The following LRIF1 variants were observed in gnomAD, a reference collection of about 807,000 sequenced individuals.
LRIF1 encodes the protein ligand-dependent nuclear receptor-interacting factor 1.
Under a neutral mutation model 52.7 loss-of-function variants are expected in LRIF1, and 32 were observed. The observed-to-expected ratio is 0.61, with a 90% CI of 0.46 to 0.82. The LOEUF (loss-of-function observed/expected upper bound fraction) is 0.82, where lower values mean the gene tolerates loss of function less well. Among genes scored for constraint, LRIF1 ranks in the 40% least tolerant of loss-of-function variants. The pLI is 0.00. For missense variants in LRIF1, 887 were observed against 892.0 expected (o/e 0.99, Z 0.07); for synonymous variants, 323 against 317.4 (o/e 1.02, Z -0.19).
the LRIF1 span, among the ~76,000 whole-genome samples, chr1:110,881,107 T>A: frequency 6.6e-6 from 1 of 152,066 alleles, no homozygotes; most frequent in Non-Finnish European, 1.5e-5. Flanking sequence ...AGGAGCAAAT[T>A]AGGAGGGGCC....
chr1:110,907,231 A>T, the LRIF1 span, among the ~76,000 whole-genome samples: 1 of 152,200 alleles, frequency 6.6e-6, no homozygotes, highest in Admixed American at 6.5e-5. Context: ...ACCTGGTGAT[A>T]CGTAAGTAGA....
At chr1:110,960,867 C>T (rs1006813470) in intron 1 of LRIF1, among the ~76,000 whole-genome samples, 13 of 152,236 alleles carry the variant, frequency 8.5e-5, no homozygotes, top group Admixed American at 8.5e-4. Context: ...ATGTAGATCA[C>T]TCACCCTCAA....
At chr1:110,962,884 T>C (rs549709494) in intron 1 of LRIF1, among the ~76,000 whole-genome samples, 1 of 152,206 alleles carries the variant, frequency 6.6e-6, no homozygotes, top group East Asian at 1.9e-4. Flanking sequence ...TAGCTAACAT[T>C]GTTTCCAATT....
At chr1:110,896,548 T>G in the LRIF1 span, 1 of 1,020,274 alleles carries the variant, frequency 9.8e-7, no homozygotes, top group Non-Finnish European at 1.5e-6. Flanking sequence ...TCTGGACTTC[T>G]GCTATAGAGT....
At chr1:110,959,381 C>T (rs1452652600) in intron 1 of LRIF1, among the ~76,000 whole-genome samples, 1 of 152,060 alleles carries the variant, frequency 6.6e-6, no homozygotes, top group Non-Finnish European at 1.5e-5. Context: ...TGCCTGGGAG[C>T]ATAACAGTTA....
the LRIF1 span, among the ~76,000 whole-genome samples, chr1:110,889,656 G>C: frequency 3.3e-4 from 50 of 152,100 alleles, no homozygotes; most frequent in Non-Finnish European, 6.2e-4. Context: ...TGTGTGATAA[G>C]ATCATTTAAT....
chr1:110,956,055 CTCAT>C, intron 1 of LRIF1, among the ~76,000 whole-genome samples: 1 of 152,136 alleles, frequency 6.6e-6, no homozygotes, highest in East Asian at 1.9e-4. Context: ...TGAGGTAATT[CTCAT>C]TTAATGGGTT....
At chr1:110,891,539 C>G in the LRIF1 span, 1 of 1,218,098 alleles carries the variant, frequency 8.2e-7, no homozygotes, top group Non-Finnish European at 1.2e-6. Flanking sequence ...CATTCCTCTA[C>G]TGAAGAGGCT....
At chr1:110,879,963 A>T in the LRIF1 span, among the ~76,000 whole-genome samples, 1 of 152,172 alleles carries the variant, frequency 6.6e-6, no homozygotes, top group Middle Eastern at 3.2e-3. Flanking sequence ...TACAGGTCAA[A>T]AAAAAGACAG....
rs374251757 is a variant in LRIF1, at chr1:110,963,698, G to C, written c.-10C>G. ...GTAGGTTATTTGACATTTTAGTGGG[G>C]AGAAAGGGGACACCTCATCCAGAAA... is the stretch of plus-strand genomic sequence containing the variant. On this transcript the variant is annotated 5_prime_UTR_variant, in exon 1 of 4. Coordinates refer to ENST00000369763, the MANE Select transcript of LRIF1 (RefSeq NM_018372.4). 26 of 1,600,346 alleles carry C rather than the reference G, an allele frequency of 1.6e-5. No homozygotes were observed. In the African/African-American group the frequency reaches 3.2e-4, roughly 20 times the overall value.
Position 110,955,606 on chromosome 1 carries a change from T to C in LRIF1, c.69-2791A>G, listed in dbSNP as rs145592812. 1.4e-3 allele frequency among the ~76,000 whole-genome samples: 206 copies of C among 152,306 alleles called. 1 individual carries two copies. Among genetic ancestry groups the C allele is most frequent in the Middle Eastern group, 6.8e-3 (2 of 292 alleles). Reference sequence around the variant, plus strand: ...TGCCAAATAGGATAAGGATTAAAAATGTACACTGAAAACAGTGCTGTGAAG... The same window carrying C: ...TGCCAAATAGGATAAGGATTAAAAACGTACACTGAAAACAGTGCTGTGAAG... On this transcript the variant is annotated intron_variant, in intron 1 of 3. Transcript: ENST00000369763.
chr1:110,942,870 C>T (rs570599950), downstream of LRIF1, among the ~76,000 whole-genome samples: 1 of 152,148 alleles, frequency 6.6e-6, no homozygotes, highest in East Asian at 1.9e-4. Flanking sequence ...ATTGGATATA[C>T]AATTTTGGAG....
the LRIF1 span, chr1:110,892,637 A>T: frequency 2.1e-6 from 2 of 953,318 alleles, no homozygotes; most frequent in Non-Finnish European, 3.2e-6. Context: ...GAAAGATCAT[A>T]GGAAAATGAG....
the LRIF1 span, among the ~76,000 whole-genome samples, chr1:110,903,005 C>T: frequency 2.0e-5 from 3 of 152,124 alleles, no homozygotes; most frequent in African/African-American, 7.2e-5. Flanking sequence ...GAACTCAGTA[C>T]CATCCCGTTA....
the LRIF1 span, among the ~76,000 whole-genome samples, chr1:110,926,387 C>A: frequency 6.6e-6 from 1 of 151,506 alleles, no homozygotes; most frequent in Admixed American, 6.6e-5. Flanking sequence ...CACATGGCAA[C>A]AGAAAGAAAC....
Position 110,952,334 on chromosome 1 carries a change from G to A in LRIF1, c.550C>T (p.His184Tyr). ...VKSPVLPSGHHLQIPAHAEVK... is the reference protein window; with the variant it reads ...VKSPVLPSGHYLQIPAHAEVK... ...TCAGCATGGGCTGGAATCTGTAAAT[G>A]ATGCCCAGAAGGCAAAACTGGAGAC... Residue 184 changes from histidine (H) to tyrosine (Y), a missense_variant, in exon 2 of 4, where the codon CAT becomes TAT. His to Tyr is a moderately conservative substitution (Grantham distance 83). Transcript: ENST00000369763. 1 of 1,614,122 alleles carries A rather than the reference G, an allele frequency of 6.2e-7. No homozygotes were observed. Among genetic ancestry groups the A allele is most frequent in the Non-Finnish European group, 8.5e-7 (1 of 1,179,978 alleles).
chr1:110,921,924 G>A, the LRIF1 span, among the ~76,000 whole-genome samples: 11 of 152,128 alleles, frequency 7.2e-5, no homozygotes, highest in Non-Finnish European at 1.2e-4. Flanking sequence ...CATCACCCAG[G>A]TGTTAAGCCC....
At chr1:110,922,617 C>T in the LRIF1 span, among the ~76,000 whole-genome samples, 1 of 152,150 alleles carries the variant, frequency 6.6e-6, no homozygotes, top group Non-Finnish European at 1.5e-5. Flanking sequence ...AGTTATCCGT[C>T]CAATATGAAT....
the LRIF1 span, among the ~76,000 whole-genome samples, chr1:110,922,864 C>A: frequency 6.6e-6 from 1 of 152,202 alleles, no homozygotes; most frequent in African/African-American, 2.4e-5. Flanking sequence ...GAGGCTATGG[C>A]ATTCCTTGGG....
Sources: gnomAD v4.1 joint callset for allele counts (sites outside exome capture counted in the v4.1 genomes callset) on GRCh38, gnomAD v4.1.1 for gene constraint, MANE v1.5 for transcripts, NCBI Gene and HGNC (gene_info 2026-07-23, HGNC 2026-07-21) for gene names.